The following SCHIP1 variants were observed in gnomAD, a reference collection of about 807,000 sequenced individuals.
SCHIP1 encodes schwannomin-interacting protein 1.
In SCHIP1, 8 loss-of-function variants were observed where a neutral mutation model predicts 29.7. That is an observed-to-expected ratio of 0.27 (90% CI 0.16 to 0.49). The LOEUF (loss-of-function observed/expected upper bound fraction) is 0.49, where lower values mean the gene tolerates loss of function less well. Among genes scored for constraint, SCHIP1 ranks in the 20% least tolerant of loss-of-function variants. The probability of loss-of-function intolerance (pLI) is 0.99; values close to 1 mark genes in which losing one functional copy is unlikely to be tolerated. For synonymous variants in SCHIP1, 76 were observed against 94.9 expected, an observed-to-expected ratio of 0.80 and a Z score of 1.16; for missense variants, 193 against 294.6, an observed-to-expected ratio of 0.66 and a Z score of 2.52.
At chr3:159,694,423 G>A in the SCHIP1 span, among the ~76,000 whole-genome samples, 1 of 152,056 alleles carries the variant, frequency 6.6e-6, no homozygotes, top group Non-Finnish European at 1.5e-5. Flanking sequence ...GGGAGGCTGA[G>A]GCAGGAGAAT....
At chr3:159,635,661 A>G in the SCHIP1 span, among the ~76,000 whole-genome samples, 25 of 152,222 alleles carry the variant, frequency 1.6e-4, no homozygotes, top group African/African-American at 5.5e-4. Flanking sequence ...TTGTGAGTCT[A>G]GCTTCCTTAC....
the SCHIP1 span, among the ~76,000 whole-genome samples, chr3:159,283,553 A>G: frequency 1.3e-5 from 2 of 151,302 alleles, no homozygotes; most frequent in South Asian, 2.1e-4. Flanking sequence ...CTTGTTGCTC[A>G]GGCTGGAGTG....
the SCHIP1 span, among the ~76,000 whole-genome samples, chr3:159,411,474 C>T: frequency 6.6e-6 from 1 of 152,066 alleles, no homozygotes; most frequent in African/African-American, 2.4e-5. Flanking sequence ...ATTTCTACCT[C>T]AACTGCAGCA....
the SCHIP1 span, among the ~76,000 whole-genome samples, chr3:159,421,499 G>GA: frequency 1.3e-5 from 2 of 151,902 alleles, no homozygotes; most frequent in Admixed American, 1.3e-4. Flanking sequence ...TTTATACTAT[G>GA]AAAAAGGAGA....
the SCHIP1 span, among the ~76,000 whole-genome samples, chr3:159,442,267 T>C: frequency 2.6e-5 from 4 of 152,144 alleles, no homozygotes; most frequent in African/African-American, 9.7e-5. Context: ...AGAGCTGGCC[T>C]TTGAGACTGG....
chr3:159,465,434 G>A, the SCHIP1 span, among the ~76,000 whole-genome samples: 1 of 151,846 alleles, frequency 6.6e-6, no homozygotes, highest in Non-Finnish European at 1.5e-5. Flanking sequence ...TGAGATGAAA[G>A]CGTTTTAACA....
the SCHIP1 span, among the ~76,000 whole-genome samples, chr3:159,332,450 T>C: frequency 6.6e-6 from 1 of 152,224 alleles, no homozygotes; most frequent in Non-Finnish European, 1.5e-5. Flanking sequence ...AATTTTTACA[T>C]TGTAATGCTC....
At chr3:159,619,827 C>T in the SCHIP1 span, among the ~76,000 whole-genome samples, 1 of 152,138 alleles carries the variant, frequency 6.6e-6, no homozygotes, top group Non-Finnish European at 1.5e-5. Context: ...CGTGTAACAT[C>T]ATATATTAGA....
At chr3:159,593,754 T>C in the SCHIP1 span, among the ~76,000 whole-genome samples, 2 of 152,234 alleles carry the variant, frequency 1.3e-5, no homozygotes, top group Admixed American at 6.5e-5. Flanking sequence ...TGCTGGGCCC[T>C]TCTCAACAAG....
chr3:159,571,281 G>C, the SCHIP1 span, among the ~76,000 whole-genome samples: 1 of 151,780 alleles, frequency 6.6e-6, no homozygotes, highest in Non-Finnish European at 1.5e-5. Context: ...GTCACAAATA[G>C]CTATTATTTT....
the SCHIP1 span, among the ~76,000 whole-genome samples, chr3:159,783,931 A>C: frequency 1.2e-4 from 18 of 152,228 alleles, no homozygotes; most frequent in Non-Finnish European, 2.2e-4. Context: ...AGGTGCCAAC[A>C]GAAAGTCAGG....
chr3:159,587,181 G>C, the SCHIP1 span, among the ~76,000 whole-genome samples: 1 of 152,234 alleles, frequency 6.6e-6, no homozygotes, highest in South Asian at 2.1e-4. Flanking sequence ...AAAGCAGTTC[G>C]TAATTTTTAA....
chr3:159,870,522 G>A (rs1715143161), intron 2 of SCHIP1, among the ~76,000 whole-genome samples: 1 of 151,842 alleles, frequency 6.6e-6, no homozygotes, highest in Non-Finnish European at 1.5e-5. Flanking sequence ...ATGAATTAAT[G>A]AATTACATTT....
At chr3:159,790,832 A>G in the SCHIP1 span, among the ~76,000 whole-genome samples, 1 of 152,142 alleles carries the variant, frequency 6.6e-6, no homozygotes, top group African/African-American at 2.4e-5. Context: ...TTCTGCCTTT[A>G]TCATTGCTAT....
At chr3:159,894,924 T>C (rs1717908125) in intron 6 of SCHIP1, among the ~76,000 whole-genome samples, 1 of 152,240 alleles carries the variant, frequency 6.6e-6, no homozygotes, top group South Asian at 2.1e-4. Flanking sequence ...CCATCTGCTC[T>C]TCTTTCCTTC....
At chr3:159,632,148 T>C in the SCHIP1 span, among the ~76,000 whole-genome samples, 1 of 152,140 alleles carries the variant, frequency 6.6e-6, no homozygotes, top group African/African-American at 2.4e-5. Context: ...ACCAGCTCGT[T>C]TGAGGACTAG....
chr3:159,814,573 G>T, the SCHIP1 span, among the ~76,000 whole-genome samples: 1 of 152,356 alleles, frequency 6.6e-6, no homozygotes, highest in Admixed American at 6.5e-5. Context: ...TGAGCTGTCA[G>T]CCCTGATGGG....
chr3:159,607,230 G>A, the SCHIP1 span, among the ~76,000 whole-genome samples: 1 of 152,106 alleles, frequency 6.6e-6, no homozygotes, highest in African/African-American at 2.4e-5. Context: ...TCCTGAATAA[G>A]TTTGGGATTT....
At chr3:159,493,915 G>C in the SCHIP1 span, among the ~76,000 whole-genome samples, 3 of 151,706 alleles carry the variant, frequency 2.0e-5, no homozygotes, top group East Asian at 5.8e-4. Flanking sequence ...TCAGACCACA[G>C]TGCAATCAAA....
Sources: gnomAD v4.1 joint callset for allele counts (sites outside exome capture counted in the v4.1 genomes callset) on GRCh38, gnomAD v4.1.1 for gene constraint, MANE v1.5 for transcripts, NCBI Gene and HGNC (gene_info 2026-07-23, HGNC 2026-07-21) for gene names.